GRB10: variants seen among roughly 807,000 people sequenced by gnomAD.
GRB10 encodes the protein growth factor receptor-bound protein 10.
In GRB10, 20 loss-of-function variants were observed where a neutral mutation model predicts 80.9. The ratio of observed to expected loss-of-function variants is 0.25; its 90% CI spans 0.17 to 0.36. GRB10 has a LOEUF of 0.36. Ranked by LOEUF, GRB10 falls within the 10% of genes least tolerant of loss-of-function variation. The pLI, the probability that GRB10 is intolerant of heterozygous loss-of-function variation, is 1.00. For missense variants in GRB10, 548 were observed against 747.7 expected (o/e 0.73, Z 3.12); for synonymous variants, 291 against 291.5 (o/e 1.00, Z 0.02).
chr7:50,753,983 C>A lies in GRB10; in HGVS notation c.-47+1904G>T, dbSNP rs369732766. ...AGCCTTGCCAGAAAGAAAACTCGTC[C>A]CAAATCTCAAGGAATCTCAGCATCA... On this transcript the variant is annotated intron_variant, in intron 3 of 18. Coordinates refer to ENST00000401949, the MANE Select transcript of GRB10 (RefSeq NM_001350814.2). Among the ~76,000 whole-genome samples, 90 of 152,268 alleles carry A rather than the reference C, an allele frequency of 5.9e-4. 1 individual carries two copies. In the South Asian group the frequency reaches 0.018, roughly 30 times the overall value.
intron 12 of GRB10, 42 bp downstream of exon 12, chr7:50,614,725 TGGG>T: frequency 8.5e-7 from 1 of 1,179,546 alleles, no homozygotes; most frequent in Non-Finnish European, 1.3e-6. Flanking sequence ...CAGTCTCCTG[TGGG>T]CTGCTGAGCA....
At chr7:50,664,362 C>T (rs534350781) in intron 7 of GRB10, among the ~76,000 whole-genome samples, 6 of 152,346 alleles carry the variant, frequency 3.9e-5, no homozygotes, top group South Asian at 4.1e-4. Context: ...TGGCACCCCA[C>T]TCACCTTTCT....
intron 4 of GRB10, among the ~76,000 whole-genome samples, chr7:50,723,755 G>A (rs1444861554): frequency 6.6e-6 from 1 of 152,168 alleles, no homozygotes; most frequent in African/African-American, 2.4e-5. Context: ...TCAAACCTGG[G>A]GCCTGCATGC....
intron 7 of GRB10, among the ~76,000 whole-genome samples, chr7:50,666,694 C>T (rs781651439): frequency 2.0e-5 from 3 of 152,104 alleles, no homozygotes; most frequent in Admixed American, 6.5e-5. Context: ...TCTCTGGACA[C>T]CAGCATCTGA....
chr7:50,621,040 A>G, intron 8 of GRB10, among the ~76,000 whole-genome samples: 1 of 152,218 alleles, frequency 6.6e-6, no homozygotes, highest in East Asian at 1.9e-4. Flanking sequence ...TGAGGAGGAT[A>G]TGTCTGTTTC....
chr7:50,711,863 T>A, intron 4 of GRB10, among the ~76,000 whole-genome samples: 1 of 152,198 alleles, frequency 6.6e-6, no homozygotes, highest in East Asian at 1.9e-4. Context: ...TTTACACACA[T>A]TCCCACTTAA....
chr7:50,618,462 A>C (rs2051047344), intron 9 of GRB10, among the ~76,000 whole-genome samples: 1 of 152,240 alleles, frequency 6.6e-6, no homozygotes, highest in African/African-American at 2.4e-5. Context: ...CGTGAGATAA[A>C]GAATTCCTGA....
intron 7 of GRB10, among the ~76,000 whole-genome samples, chr7:50,638,278 CTTAA>C (rs1005889680): frequency 2.6e-5 from 4 of 151,990 alleles, no homozygotes; most frequent in African/African-American, 9.7e-5. Flanking sequence ...ACAAGTGGGA[CTTAA>C]TTAAAAGATT....
intron 7 of GRB10, among the ~76,000 whole-genome samples, chr7:50,651,829 T>C (rs941223610): frequency 2.0e-5 from 3 of 152,256 alleles, no homozygotes; most frequent in African/African-American, 7.2e-5. Flanking sequence ...ACAGTAGCTT[T>C]ATAACATCAA....
intron 8 of GRB10, among the ~76,000 whole-genome samples, chr7:50,622,121 C>T (rs181012911): frequency 2.6e-5 from 4 of 152,344 alleles, no homozygotes; most frequent in African/African-American, 9.6e-5. Context: ...TGTCAGCAAG[C>T]TCAGGGCTTT....
intron 12 of GRB10, among the ~76,000 whole-genome samples, chr7:50,614,410 G>A (rs1360700570): frequency 1.3e-5 from 2 of 152,154 alleles, no homozygotes; most frequent in Non-Finnish European, 2.9e-5. Flanking sequence ...TCAGTACCAT[G>A]CAGGCAACCC....
chr7:50,713,344 C>T (rs2066205905), intron 4 of GRB10, among the ~76,000 whole-genome samples: 1 of 152,024 alleles, frequency 6.6e-6, no homozygotes, highest in African/African-American at 2.4e-5. Context: ...CCACCTCCTT[C>T]CATCTCCATC....
At chr7:50,782,973 G>C (rs1352753860), upstream of GRB10, 1 of 152,552 alleles carries the variant, frequency 6.6e-6, no homozygotes, top group Non-Finnish European at 1.5e-5. This position sits in a 1 kb window ranked among gnomAD's most constrained non-coding sequence, Gnocchi z 6.6. Flanking sequence ...CGGATCCCTG[G>C]TTCTCATGGC....
At chr7:50,759,613 T>C (rs893473582) in intron 2 of GRB10, among the ~76,000 whole-genome samples, 3 of 152,256 alleles carry the variant, frequency 2.0e-5, no homozygotes, top group Non-Finnish European at 4.4e-5. Flanking sequence ...TATTGTTTTA[T>C]TGTTATATTT....
intron 8 of GRB10, among the ~76,000 whole-genome samples, chr7:50,623,861 T>C (rs1451060873): frequency 2.0e-5 from 3 of 152,210 alleles, no homozygotes; most frequent in Non-Finnish European, 2.9e-5. Context: ...GCATTATAGT[T>C]ACCAGTTGAA....
rs571323001 is a variant in GRB10, at chr7:50,757,474, TG to T, written c.-216-1419del. On this transcript the variant is annotated intron_variant, in intron 2 of 18. Transcript: ENST00000401949. ...GCTTGCTAATGTTTAAAGGGGATGC[TG>T]GTCTTTTTAGGACCAAAAGGGGAGA... is the stretch of plus-strand genomic sequence containing the variant. Among the ~76,000 whole-genome samples the T allele has an allele frequency of 3.6e-3, 555 of 152,384 alleles. 7 individuals are homozygous for T. In the South Asian group the frequency reaches 0.053, roughly 15 times the overall value.
At chr7:50,648,192 C>T (rs1021465639) in intron 7 of GRB10, among the ~76,000 whole-genome samples, 5 of 152,146 alleles carry the variant, frequency 3.3e-5, no homozygotes, top group African/African-American at 7.2e-5. Flanking sequence ...GAGCCAGCAA[C>T]GATGGCTGAG....
intron 7 of GRB10, among the ~76,000 whole-genome samples, chr7:50,667,806 T>G (rs950527584): frequency 5.9e-5 from 9 of 152,150 alleles, no homozygotes; most frequent in African/African-American, 2.2e-4. Flanking sequence ...GGGAACAAGC[T>G]CTGATCCCAA....
At chr7:50,692,974 GA>G (rs1309182288) in intron 5 of GRB10, among the ~76,000 whole-genome samples, 1 of 152,162 alleles carries the variant, frequency 6.6e-6, no homozygotes, top group Non-Finnish European at 1.5e-5. Flanking sequence ...TAGCTCTGAT[GA>G]GGAAGATAAG....
Sources: gnomAD v4.1 joint callset for allele counts (sites outside exome capture counted in the v4.1 genomes callset) on GRCh38, gnomAD v4.1.1 for gene constraint, Gnocchi (gnomAD v3.1) non-coding constraint, MANE v1.5 for transcripts, NCBI Gene and HGNC (gene_info 2026-07-23, HGNC 2026-07-21) for gene names.